Variants in ROR2 observed in about 807,000 individuals in gnomAD.
ROR2 encodes the protein ROR family WNT receptor 2, also known as tyrosine-protein kinase transmembrane receptor ROR2.
Under a neutral mutation model 74.9 loss-of-function variants are expected in ROR2, and 33 were observed. The ratio of observed to expected loss-of-function variants is 0.44; its 90% CI spans 0.33 to 0.59. The LOEUF (loss-of-function observed/expected upper bound fraction) is 0.59. Ranked by LOEUF, ROR2 falls within the 20% of genes least tolerant of loss-of-function variation. The pLI, the probability that ROR2 is intolerant of heterozygous loss-of-function variation, is 0.02. For synonymous variants in ROR2, 586 were observed against 558.7 expected, an observed-to-expected ratio of 1.05 and a Z score of -0.69; for missense variants, 1,216 against 1,313.8, an observed-to-expected ratio of 0.93 and a Z score of 1.15.
At chr9:91,926,718 G>C (rs985272536) in intron 1 of ROR2, among the ~76,000 whole-genome samples, 4 of 152,092 alleles carry the variant, frequency 2.6e-5, no homozygotes, top group Admixed American at 1.3e-4. Flanking sequence ...ATGAAATCAC[G>C]CTCAGTGAAA....
At chr9:91,883,005 C>A (rs757473907) in intron 1 of ROR2, among the ~76,000 whole-genome samples, 1 of 152,186 alleles carries the variant, frequency 6.6e-6, no homozygotes, top group Non-Finnish European at 1.5e-5. Flanking sequence ...TAATCTGAAA[C>A]AAGAACTCAA....
chr9:91,770,772 A>G (rs544556848), intron 2 of ROR2, among the ~76,000 whole-genome samples: 1 of 152,276 alleles, frequency 6.6e-6, no homozygotes, highest in East Asian at 1.9e-4. Flanking sequence ...GGATGATCCC[A>G]TTTTCATTTG....
intron 1 of ROR2, among the ~76,000 whole-genome samples, chr9:91,840,572 G>A (rs761294909): frequency 8.5e-5 from 13 of 152,322 alleles, no homozygotes; most frequent in Non-Finnish European, 1.8e-4. Context: ...TCCCCAGCTG[G>A]GGGCCTTCCT....
At chr9:91,893,081 G>GAC (rs1830461984) in intron 1 of ROR2, among the ~76,000 whole-genome samples, 1 of 152,102 alleles carries the variant, frequency 6.6e-6, no homozygotes, top group Non-Finnish European at 1.5e-5. Flanking sequence ...ACTGAGTCAG[G>GAC]ACCCCAAGGC....
intron 2 of ROR2, among the ~76,000 whole-genome samples, chr9:91,767,008 C>T (rs1229803920): frequency 6.6e-6 from 1 of 152,190 alleles, no homozygotes; most frequent in Non-Finnish European, 1.5e-5. Flanking sequence ...ATCAAAACAA[C>T]CCAAAGGCAA....
intron 1 of ROR2, among the ~76,000 whole-genome samples, chr9:91,833,312 C>T (rs1828522531): frequency 6.6e-6 from 1 of 152,196 alleles, no homozygotes; most frequent in Non-Finnish European, 1.5e-5. Flanking sequence ...ACTTCTGCAA[C>T]AGGTCCTCAT....
At chr9:91,949,298 G>T (rs535121812) in intron 1 of ROR2, among the ~76,000 whole-genome samples, 2 of 151,842 alleles carry the variant, frequency 1.3e-5, no homozygotes, top group South Asian at 4.2e-4. Flanking sequence ...CAAGCGGCCC[G>T]CGGGCTGGGA....
chr9:91,782,478 G>T (rs1331106545), intron 1 of ROR2, among the ~76,000 whole-genome samples: 2 of 151,396 alleles, frequency 1.3e-5, no homozygotes, highest in Non-Finnish European at 2.9e-5. Context: ...TTTGCTTAAG[G>T]CTTTTCAGGG....
intron 1 of ROR2, among the ~76,000 whole-genome samples, chr9:91,799,098 G>C (rs575978776): frequency 2.6e-5 from 4 of 152,230 alleles, no homozygotes; most frequent in African/African-American, 9.6e-5. Context: ...TCCTTTTCTT[G>C]TTCTGAATCC....
At chr9:91,794,331 T>C (rs569183112) in intron 1 of ROR2, among the ~76,000 whole-genome samples, 1 of 152,332 alleles carries the variant, frequency 6.6e-6, no homozygotes, top group African/African-American at 2.4e-5. Context: ...ACTGAATTAA[T>C]TGTCACACTT....
chr9:91,939,732 C>T (rs577473205), intron 1 of ROR2, among the ~76,000 whole-genome samples: 12 of 152,224 alleles, frequency 7.9e-5, no homozygotes, highest in African/African-American at 2.6e-4. Context: ...AGTAAACACA[C>T]GGAAGTGAAA....
intron 1 of ROR2, among the ~76,000 whole-genome samples, chr9:91,869,501 G>A (rs1829733225): frequency 6.6e-6 from 1 of 152,178 alleles, no homozygotes; most frequent in South Asian, 2.1e-4. Flanking sequence ...AATGAACTAT[G>A]GGTAACTGCA....
At chr9:91,937,045 A>AAAAAAAAAC (rs1353259662) in intron 1 of ROR2, among the ~76,000 whole-genome samples, 1 of 150,232 alleles carries the variant, frequency 6.7e-6, no homozygotes, top group Non-Finnish European at 1.5e-5. Flanking sequence ...AAAAAAAAAA[A>AAAAAAAAAC]AAGATTTCCC....
chr9:91,823,828 G>A (rs938327761), intron 1 of ROR2, among the ~76,000 whole-genome samples: 7 of 152,344 alleles, frequency 4.6e-5, no homozygotes, highest in Admixed American at 1.3e-4. Flanking sequence ...AGGCTGGGGC[G>A]TCAGGGAAGG....
At chr9:91,788,795 C>T (rs932345031) in intron 1 of ROR2, among the ~76,000 whole-genome samples, 3 of 146,302 alleles carry the variant, frequency 2.1e-5, no homozygotes, top group African/African-American at 5.1e-5. Context: ...ACCTGGGAGG[C>T]GGAGGTTGCA....
At chr9:91,769,264 G>A (rs1826152904) in intron 2 of ROR2, among the ~76,000 whole-genome samples, 1 of 152,120 alleles carries the variant, frequency 6.6e-6, no homozygotes, top group African/African-American at 2.4e-5. Context: ...TGTGGACACT[G>A]GACACTGGGC....
intron 1 of ROR2, among the ~76,000 whole-genome samples, chr9:91,943,795 C>G (rs1208677803): frequency 1.3e-5 from 2 of 152,132 alleles, no homozygotes; most frequent in East Asian, 1.9e-4. Context: ...TAGTTTCCTG[C>G]TATTCTTAGT....
chr9:91,837,214 C>T (rs1587768082), intron 1 of ROR2, among the ~76,000 whole-genome samples: 2 of 152,020 alleles, frequency 1.3e-5, no homozygotes, highest in Admixed American at 6.6e-5. Flanking sequence ...TGCAGTGGCG[C>T]GATCTCAGCC....
chr9:91,918,564 G>C (rs371410713), intron 1 of ROR2, among the ~76,000 whole-genome samples: 85 of 152,282 alleles, frequency 5.6e-4, no homozygotes, highest in African/African-American at 2.0e-3. Flanking sequence ...GGCTTAAAGA[G>C]AGGCAGTCTC....
Sources: gnomAD v4.1 joint callset for allele counts (sites outside exome capture counted in the v4.1 genomes callset) on GRCh38, gnomAD v4.1.1 for gene constraint, MANE v1.5 for transcripts, NCBI Gene and HGNC (gene_info 2026-07-23, HGNC 2026-07-21) for gene names.